Variants in PEMT observed in about 807,000 individuals in gnomAD.
PEMT encodes phosphatidylethanolamine N-methyltransferase.
In PEMT, 23 loss-of-function variants were observed where a neutral mutation model predicts 27.4. That is an observed-to-expected ratio of 0.84 (90% CI 0.60 to 1.19). The LOEUF (loss-of-function observed/expected upper bound fraction) is 1.19. Among genes scored for constraint, PEMT ranks in the 50% most tolerant of loss-of-function variants. The pLI, the probability that PEMT is intolerant of heterozygous loss-of-function variation, is 0.00. For missense variants in PEMT, 307 were observed against 310.1 expected (o/e 0.99, Z 0.07); for synonymous variants, 137 against 139.1 (o/e 0.98, Z 0.11).
At chr17:17,578,173 AT>A (rs112026765) in intron 1 of PEMT, among the ~76,000 whole-genome samples, 1,547 of 145,230 alleles carry the variant, frequency 0.011, 27 homozygotes, top group African/African-American at 0.032. Flanking sequence ...AGATTTTACA[AT>A]TTTTTTTTTT....
In PEMT at chr17:17,550,500, G is replaced by A. The variant is rs566541645; in HGVS notation, c.204+26420C>T. 4.7e-4 allele frequency among the ~76,000 whole-genome samples: 71 copies of A among 152,120 alleles called. 2 individuals are homozygous for A. The highest frequency in any genetic ancestry group is 4.4e-3 in the Admixed American group (67 of 15,280). ...CTTCCCCCCACTCCCCGCAGCTATCGAGGGTATGCCACAGCACCTCCTACC... is the reference window on the plus strand; with the variant it reads ...CTTCCCCCCACTCCCCGCAGCTATCAAGGGTATGCCACAGCACCTCCTACC... On this transcript the variant is annotated intron_variant, in intron 2 of 6. Transcript: ENST00000255389.
At chr17:17,562,479 C>T (rs937649457) in intron 2 of PEMT, among the ~76,000 whole-genome samples, 4 of 152,222 alleles carry the variant, frequency 2.6e-5, no homozygotes, top group Admixed American at 6.5e-5. Flanking sequence ...CTTGATCCCA[C>T]GCTCAAAGGC....
At chr17:17,558,691 A>G (rs1422853935) in intron 2 of PEMT, among the ~76,000 whole-genome samples, 1 of 127,380 alleles carries the variant, frequency 7.9e-6, no homozygotes, top group Non-Finnish European at 1.9e-5. Context: ...CGAAAAAAAA[A>G]AAAAAAAACA....
At chr17:17,573,597 G>T (rs1477548868) in intron 2 of PEMT, among the ~76,000 whole-genome samples, 1 of 152,112 alleles carries the variant, frequency 6.6e-6, no homozygotes, top group African/African-American at 2.4e-5. Flanking sequence ...ATGATGTAAA[G>T]TATATGGGAG....
intron 1 of PEMT, among the ~76,000 whole-genome samples, chr17:17,584,204 G>A (rs1912122037): frequency 6.6e-6 from 1 of 151,998 alleles, no homozygotes; most frequent in South Asian, 2.1e-4. Flanking sequence ...CTATCACCCA[G>A]GCTGGAGTAC....
intron 2 of PEMT, among the ~76,000 whole-genome samples, chr17:17,557,586 C>T (rs1171730247): frequency 6.6e-6 from 1 of 152,224 alleles, no homozygotes; most frequent in Non-Finnish European, 1.5e-5. Context: ...GCCAAAAGCC[C>T]ACAGCGCCCA....
At position 17,585,944 on chromosome 17, in the gene PEMT, G is replaced by A. The variant is rs142414457; in HGVS notation, c.96+5587C>T. Among the ~76,000 whole-genome samples the A allele has an allele frequency of 6.5e-3, 982 of 151,736 alleles. 14 individuals are homozygous for A. The highest frequency in any genetic ancestry group is 0.024 in the South Asian group (116 of 4,788). On this transcript the variant is annotated intron_variant, in intron 1 of 6. Coordinates refer to ENST00000255389, the MANE Select transcript of PEMT (RefSeq NM_148172.3). The stretch of plus-strand genomic sequence containing the variant: ...AAAAAATTAAAAAAATTAGCTGGGC[G>A]TGGTGGCAGGCGCCTGTAGTCCCAG...
At chr17:17,587,766 C>T (rs569395267) in intron 1 of PEMT, among the ~76,000 whole-genome samples, 1 of 152,222 alleles carries the variant, frequency 6.6e-6, no homozygotes, top group South Asian at 2.1e-4. Flanking sequence ...ATCCCAGCTA[C>T]TCGGGAGCCT....
chr17:17,576,033 G>T (rs1248721073), intron 2 of PEMT, among the ~76,000 whole-genome samples: 1 of 152,172 alleles, frequency 6.6e-6, no homozygotes, highest in Admixed American at 6.5e-5. Flanking sequence ...AGCCTCGGGG[G>T]TGATCACAGG....
At chr17:17,544,262 A>G (rs1909090270) in intron 2 of PEMT, among the ~76,000 whole-genome samples, 1 of 151,516 alleles carries the variant, frequency 6.6e-6, no homozygotes, top group South Asian at 2.1e-4. Context: ...CAGGAAGCCC[A>G]GCTTGTGTTT....
chr17:17,571,843 G>A (rs981145703), intron 2 of PEMT, among the ~76,000 whole-genome samples: 5 of 152,084 alleles, frequency 3.3e-5, no homozygotes, highest in African/African-American at 1.2e-4. Context: ...CCAGTAGCCG[G>A]TGCTCACCAC....
At chr17:17,506,617 C>T (rs893740351) in intron 5 of PEMT, among the ~76,000 whole-genome samples, 3 of 152,226 alleles carry the variant, frequency 2.0e-5, no homozygotes, top group African/African-American at 7.2e-5. Flanking sequence ...GAACGCAGCC[C>T]CAGGCGGAAG....
intron 2 of PEMT, among the ~76,000 whole-genome samples, chr17:17,564,145 G>A (rs775779620): frequency 1.1e-4 from 17 of 152,324 alleles, no homozygotes; most frequent in Non-Finnish European, 1.5e-4. Flanking sequence ...AGCCACAGAC[G>A]CCACCGGAAG....
intron 2 of PEMT, among the ~76,000 whole-genome samples, chr17:17,558,012 GGACA>G (rs1222020955): frequency 6.6e-6 from 1 of 152,204 alleles, no homozygotes; most frequent in East Asian, 1.9e-4. Context: ...TCCTGCTGCA[GGACA>G]GTCAGAGGAG....
chr17:17,540,572 G>A (rs778985819), intron 2 of PEMT, among the ~76,000 whole-genome samples: 17 of 152,282 alleles, frequency 1.1e-4, no homozygotes, highest in Middle Eastern at 3.4e-3. Context: ...CAGAACCCGC[G>A]TCTACTTGAG....
Position 17,549,509 on chromosome 17 carries a change from T to G in PEMT, c.205-27114A>C, listed in dbSNP as rs144446662. On this transcript the variant is annotated intron_variant, in intron 2 of 6. Coordinates refer to ENST00000255389, the MANE Select transcript of PEMT (RefSeq NM_148172.3). The stretch of plus-strand genomic sequence containing the variant: ...TTTGTAGAGATGGGGTCTTGCTATG[T>G]TGCCCAGGCTGCTTCCAAACTCCTG... 3.0e-3 allele frequency among the ~76,000 whole-genome samples: 460 copies of G among 152,346 alleles called. 1 individual carries two copies. The highest frequency in any genetic ancestry group is 0.011 in the African/African-American group (449 of 41,576).
At chr17:17,572,605 CT>C (rs1407793535) in intron 2 of PEMT, among the ~76,000 whole-genome samples, 3 of 152,250 alleles carry the variant, frequency 2.0e-5, no homozygotes, top group Non-Finnish European at 4.4e-5. Context: ...ACCACCACCC[CT>C]GTCTGTCCCT....
At chr17:17,570,594 G>A (rs1404181479) in intron 2 of PEMT, 30 of 985,326 alleles carry the variant, frequency 3.0e-5, no homozygotes, top group Non-Finnish European at 3.6e-5. Context: ...ACAAAGGTCT[G>A]TGGGCAGCCT....
intron 1 of PEMT, among the ~76,000 whole-genome samples, chr17:17,581,191 TG>T (rs1024936273): frequency 1.3e-5 from 2 of 152,120 alleles, no homozygotes; most frequent in Non-Finnish European, 2.9e-5. Context: ...CACTGGGCCC[TG>T]GGGGAAATGC....
Sources: gnomAD v4.1 joint callset for allele counts (sites outside exome capture counted in the v4.1 genomes callset) on GRCh38, gnomAD v4.1.1 for gene constraint, MANE v1.5 for transcripts, NCBI Gene and HGNC (gene_info 2026-07-23, HGNC 2026-07-21) for gene names.